CFAP54: variants seen among roughly 807,000 people sequenced by gnomAD.
CFAP54 encodes the protein cilia and flagella associated protein 54, also known as cilia- and flagella-associated protein 54.
CFAP54 carries 290 observed loss-of-function variants against 370.4 expected under a neutral mutation model. The observed-to-expected ratio is 0.78, with a 90% CI of 0.71 to 0.86. CFAP54 has a LOEUF of 0.86. Among genes scored for constraint, CFAP54 ranks in the 40% least tolerant of loss-of-function variants. CFAP54 has a pLI of 0.00. For synonymous variants in CFAP54, 1,206 were observed against 1,236.5 expected (o/e 0.98, Z 0.52); for missense variants, 3,399 against 3,528.7 (o/e 0.96, Z 0.93).
chr12:96,548,995 C>G (rs1008136144), intron 15 of CFAP54, among the ~76,000 whole-genome samples: 1 of 152,136 alleles, frequency 6.6e-6, no homozygotes, highest in African/African-American at 2.4e-5. Flanking sequence ...GCTGAGACTA[C>G]AGGCATGTGC....
intron 66 of CFAP54, among the ~76,000 whole-genome samples, chr12:96,838,796 G>A (rs898878904): frequency 5.3e-5 from 8 of 152,218 alleles, no homozygotes; most frequent in African/African-American, 1.9e-4. Flanking sequence ...AGAAGGAAGG[G>A]ATGTGTCTTT....
chr12:96,712,756 A>G (rs1018419349), intron 48 of CFAP54, among the ~76,000 whole-genome samples: 3 of 152,114 alleles, frequency 2.0e-5, no homozygotes, highest in Admixed American at 1.3e-4. Context: ...GCTCTCACAT[A>G]TGAGTGAGAA....
At chr12:96,534,643 C>T (rs1955482833) in intron 11 of CFAP54, among the ~76,000 whole-genome samples, 1 of 152,108 alleles carries the variant, frequency 6.6e-6, no homozygotes, top group Non-Finnish European at 1.5e-5. Flanking sequence ...GCAGTGTTTG[C>T]CATTCTAGGA....
intron 32 of CFAP54, among the ~76,000 whole-genome samples, chr12:96,640,684 G>C (rs1303121335): frequency 1.3e-5 from 2 of 152,122 alleles, no homozygotes; most frequent in African/African-American, 4.8e-5. Flanking sequence ...TATACTACAA[G>C]GCTACAGTAA....
chr12:96,829,242 T>C (rs1959161457), intron 66 of CFAP54, among the ~76,000 whole-genome samples, 154 bp downstream of exon 66: 1 of 152,180 alleles, frequency 6.6e-6, no homozygotes, highest in Non-Finnish European at 1.5e-5. Flanking sequence ...AATAACACAT[T>C]ATTTTGGTTA....
chr12:96,799,953 G>C (rs535081887), intron 63 of CFAP54, among the ~76,000 whole-genome samples: 2 of 152,182 alleles, frequency 1.3e-5, no homozygotes, highest in African/African-American at 4.8e-5. Context: ...TCTTAGGTTG[G>C]TCTTCAGCAT....
At chr12:96,669,233 G>T (rs887531405) in intron 39 of CFAP54, among the ~76,000 whole-genome samples, 1 of 152,234 alleles carries the variant, frequency 6.6e-6, no homozygotes, top group African/African-American at 2.4e-5. Context: ...AACTCTCTTA[G>T]AGGGAAGGAT....
intron 4 of CFAP54, among the ~76,000 whole-genome samples, chr12:96,511,308 T>C (rs189466151): frequency 2.6e-5 from 4 of 152,246 alleles, no homozygotes; most frequent in Admixed American, 2.6e-4. Flanking sequence ...TGCCATTTTC[T>C]CACAAACTTT....
chr12:96,576,991 T>C (rs1264955198), intron 20 of CFAP54, among the ~76,000 whole-genome samples: 1 of 152,208 alleles, frequency 6.6e-6, no homozygotes, highest in African/African-American at 2.4e-5. Flanking sequence ...TACCCAAATA[T>C]ATTGTTAGGA....
At chr12:96,771,327 A>G (rs1958457719) in intron 60 of CFAP54, among the ~76,000 whole-genome samples, 1 of 152,198 alleles carries the variant, frequency 6.6e-6, no homozygotes, top group Non-Finnish European at 1.5e-5. Context: ...GTTTGAGTAG[A>G]TTCAGGGAAA....
At chr12:96,574,740 G>A (rs1272740904) in intron 19 of CFAP54, among the ~76,000 whole-genome samples, 1 of 151,912 alleles carries the variant, frequency 6.6e-6, no homozygotes, top group Non-Finnish European at 1.5e-5. Flanking sequence ...TCATTATTTT[G>A]TTAGTATATT....
chr12:96,716,782 AT>A (rs1957685337), intron 48 of CFAP54, among the ~76,000 whole-genome samples: 1 of 152,240 alleles, frequency 6.6e-6, no homozygotes, highest in Non-Finnish European at 1.5e-5. Flanking sequence ...TGGAATTCTT[AT>A]GTAATTGGAT....
intron 45 of CFAP54, among the ~76,000 whole-genome samples, chr12:96,695,194 T>C (rs1380285571): frequency 6.6e-6 from 1 of 152,170 alleles, no homozygotes; most frequent in Non-Finnish European, 1.5e-5. Context: ...TCTTGCAAAT[T>C]GGAGTGAGTG....
In CFAP54 at chr12:96,828,525, A is replaced by G. The variant is rs76029484; in HGVS notation, c.9097-489A>G. Among the ~76,000 whole-genome samples, 1,288 of 152,210 alleles carry G rather than the reference A, an allele frequency of 8.5e-3. 53 individuals carry two copies. The East Asian group carries it at 0.095, about 11-fold the overall frequency. On this transcript the variant is annotated intron_variant, in intron 65 of 67. Transcript: ENST00000524981. ...CTGTTGTTCTTCCTTACATAAAATC[A>G]TATGATAGGGAATCTGACAGATTCA...
In CFAP54 at chr12:96,489,655, A is replaced by G; in HGVS notation, c.46A>G (p.Thr16Ala). 8 of 1,533,446 alleles carry G rather than the reference A, an allele frequency of 5.2e-6. No homozygotes were observed. Among genetic ancestry groups the G allele is most frequent in the African/African-American group, 1.4e-5 (1 of 73,028 alleles). 95.0% of individuals were successfully genotyped at this position (1,533,446 alleles called of 1,614,324 possible). A position where few individuals can be genotyped will look rare whatever the true frequency, so the allele number is the denominator to read the frequency against. Reference protein sequence around the residue: ...SPSSSPSDDSTTSGSLPELPP... With the variant: ...SPSSSPSDDSATSGSLPELPP... ...CTCGAGCTCTCCGTCAGACGACTCT[A>G]CCACCTCGGGGTCTCTGCCAGAACT... Residue 16 changes from threonine to alanine, a missense_variant, in exon 1 of 68, where the codon ACC becomes GCC. Physicochemically the swap from Thr to Ala is moderately conservative, Grantham distance 58 (BLOSUM62 0). Coordinates refer to ENST00000524981, the MANE Select transcript of CFAP54 (RefSeq NM_001306084.2).
At chr12:96,709,034 AC>A (rs1957579499) in intron 48 of CFAP54, among the ~76,000 whole-genome samples, 1 of 152,238 alleles carries the variant, frequency 6.6e-6, no homozygotes, top group African/African-American at 2.4e-5. Context: ...ATATGTATAC[AC>A]ATACATGATA....
intron 1 of CFAP54, among the ~76,000 whole-genome samples, chr12:96,493,229 A>G (rs1464131614): frequency 6.6e-6 from 1 of 152,234 alleles, no homozygotes; most frequent in Admixed American, 6.5e-5. Context: ...GAGGAAATGT[A>G]CTTGACACTG....
chr12:96,825,663 C>T (rs2136749328), intron 65 of CFAP54, among the ~76,000 whole-genome samples: 1 of 117,622 alleles, frequency 8.5e-6, no homozygotes, highest in South Asian at 2.5e-4. Flanking sequence ...ATATATCATG[C>T]TATAATATAT....
chr12:96,611,687 C>A (rs1435450623), intron 26 of CFAP54, among the ~76,000 whole-genome samples: 1 of 152,128 alleles, frequency 6.6e-6, no homozygotes, highest in African/African-American at 2.4e-5. Context: ...TAGAGAAGTC[C>A]TTAAATGACC....
Sources: allele counts gnomAD v4.1 joint callset (sites outside exome capture counted in the v4.1 genomes callset), GRCh38; gene constraint gnomAD v4.1.1; transcripts MANE v1.5; gene names NCBI Gene and HGNC (gene_info 2026-07-23, HGNC 2026-07-21).